The following EPSTI1 variants were observed in gnomAD, a reference collection of about 807,000 sequenced individuals.
EPSTI1 encodes the protein epithelial stromal interaction 1, also known as epithelial-stromal interaction protein 1.
EPSTI1 carries 66 observed loss-of-function variants against 49.9 expected under a neutral mutation model. The observed-to-expected ratio is 1.32, with a 90% CI of 1.08 to 1.62. The LOEUF is 1.62. Ranked by LOEUF, EPSTI1 falls within the 40% of genes most tolerant of loss-of-function variation. The pLI, the probability that EPSTI1 is intolerant of heterozygous loss-of-function variation, is 0.00. For missense variants in EPSTI1, 394 were observed against 365.5 expected, an observed-to-expected ratio of 1.08 and a Z score of -0.64; for synonymous variants, 137 against 130.7, an observed-to-expected ratio of 1.05 and a Z score of -0.33.
At chr13:42,961,556 A>G (rs547045670) in intron 5 of EPSTI1, among the ~76,000 whole-genome samples, 35 of 152,340 alleles carry the variant, frequency 2.3e-4, no homozygotes, top group African/African-American at 7.9e-4. Flanking sequence ...GGCCCCACTG[A>G]CATGACTGGA....
intron 6 of EPSTI1, among the ~76,000 whole-genome samples, chr13:42,946,687 C>T (rs542704835): frequency 1.3e-5 from 2 of 152,252 alleles, no homozygotes; most frequent in African/African-American, 4.8e-5. Flanking sequence ...TCTGTCCCAC[C>T]CTCTCCAATA....
rs2036928271 is a variant in EPSTI1 at position 42,888,448 on chromosome 13, C to T, written c.*46G>A. On this transcript the variant is annotated 3_prime_UTR_variant, in exon 11 of 11. Coordinates refer to ENST00000313624, the MANE Select transcript of EPSTI1 (RefSeq NM_033255.5). The stretch of plus-strand genomic sequence containing the variant: ...CATTAAGAAAAAGCATCTCATGAGG[C>T]TTTTCGAGGTCAGTTGATGAAGGCC... 1 of 1,613,978 alleles carries T rather than the reference C, an allele frequency of 6.2e-7. No homozygotes were observed. Among genetic ancestry groups the T allele is most frequent in the Non-Finnish European group, 8.5e-7 (1 of 1,179,950 alleles).
Position 42,992,058 on chromosome 13 carries a change from G to A in EPSTI1, c.108C>T (p.Pro36=), listed in dbSNP as rs753601158. The A allele has an allele frequency of 3.1e-6, 5 of 1,613,416 alleles. No homozygotes were observed. Among genetic ancestry groups the A allele is most frequent in the East Asian group, 4.5e-5 (2 of 44,878 alleles). ...CCAAACCCTCTCTCTGGTCTTCCAC[G>A]GGGCTCAGCTCCCCTTGCCGCCCAG... The part of the protein sequence containing the change: ...DPSGRQGELS[P]VEDQREGLEA... Residue 36 remains proline, a synonymous_variant, in exon 1 of 11, where the codon CCC becomes CCT. Transcript: ENST00000313624.
intron 1 of EPSTI1, among the ~76,000 whole-genome samples, chr13:42,973,954 G>A (rs1022283079): frequency 1.1e-4 from 16 of 152,262 alleles, no homozygotes; most frequent in African/African-American, 3.1e-4. Flanking sequence ...GCGCACATCC[G>A]TGAGATATAC....
chr13:42,922,190 TTAAC>T lies in EPSTI1; in HGVS notation c.657+4142_657+4145del, dbSNP rs2038022297. Among the ~76,000 whole-genome samples the T allele has an allele frequency of 1.3e-5, 2 of 152,182 alleles. No individual in the cohort carries two copies. Among genetic ancestry groups the T allele is most frequent in the South Asian group, 4.1e-4 (2 of 4,832 alleles). On this transcript the variant is annotated intron_variant, in intron 7 of 10. Transcript: ENST00000313624. This position sits in a 1 kb window ranked among gnomAD's most constrained non-coding sequence, Gnocchi z 4.8. ...ATTAGTCAAGAGATACCAACACATA[TTAAC>T]AGATATTCGGAGCTAACTAAGAAAA...
Position 42,900,403 on chromosome 13 carries a change from T to C in EPSTI1, c.742-20A>G. ...TTCACTCTAGGAACAATAAAAGTTTTAAAATATGGTTTTCAATTAACACAG... is the reference window on the plus strand; with the variant it reads ...TTCACTCTAGGAACAATAAAAGTTTCAAAATATGGTTTTCAATTAACACAG... On this transcript the variant is annotated intron_variant, in intron 8 of 10. Coordinates refer to ENST00000313624, the MANE Select transcript of EPSTI1 (RefSeq NM_033255.5). The C allele has an allele frequency of 6.2e-7, 1 of 1,611,354 alleles. No individual in the cohort carries two copies. The highest frequency in any genetic ancestry group is 1.1e-5 in the South Asian group (1 of 90,914).
intron 5 of EPSTI1, among the ~76,000 whole-genome samples, chr13:42,954,341 AT>A (rs2039194994): frequency 6.6e-6 from 1 of 152,252 alleles, no homozygotes; most frequent in Non-Finnish European, 1.5e-5. Context: ...AAATGTTTTA[AT>A]GAAAACATGA....
intron 9 of EPSTI1, among the ~76,000 whole-genome samples, chr13:42,896,971 G>GC (rs2037208515): frequency 6.6e-6 from 1 of 151,922 alleles, no homozygotes. Flanking sequence ...ATGGTGGTGG[G>GC]CACCTATAGT....
intron 1 of EPSTI1, among the ~76,000 whole-genome samples, chr13:42,980,720 GAAT>G (rs2039973070): frequency 6.6e-6 from 1 of 152,106 alleles, no homozygotes; most frequent in Non-Finnish European, 1.5e-5. Context: ...TTTCTACTTG[GAAT>G]AAAGAGTCAA....
intron 1 of EPSTI1, among the ~76,000 whole-genome samples, chr13:42,977,869 G>A (rs1271422630): frequency 6.6e-6 from 1 of 152,214 alleles, no homozygotes; most frequent in Non-Finnish European, 1.5e-5. Context: ...AAAGTTTAAA[G>A]GCCTGGTGTG....
rs995814838 is a variant in EPSTI1 at position 42,887,112 on chromosome 13, G to C, written c.*1382C>G. The stretch of plus-strand genomic sequence containing the variant: ...GGTGATATTTCCAACACAGGCTGGG[G>C]GATTGAGTTTCCCCCATATAAGGCA... On this transcript the variant is annotated 3_prime_UTR_variant, in exon 11 of 11. Coordinates refer to ENST00000313624, the MANE Select transcript of EPSTI1 (RefSeq NM_033255.5). The C allele has an allele frequency of 1.3e-5, 2 of 152,194 alleles. No individual in the cohort carries two copies. Among genetic ancestry groups the C allele is most frequent in the African/African-American group, 4.8e-5 (2 of 41,436 alleles). The allele number at this position is 152,194 out of a possible 1,614,324, so 9.4% of individuals were successfully genotyped here. A position where few individuals can be genotyped will look rare whatever the true frequency, so the allele number is the denominator to read the frequency against.
intron 6 of EPSTI1, among the ~76,000 whole-genome samples, chr13:42,942,591 C>G (rs2038787830): frequency 6.7e-6 from 1 of 149,800 alleles, no homozygotes; most frequent in African/African-American, 2.4e-5. Context: ...AGTTCATATC[C>G]CTGTCTCTTC....
chr13:42,963,132 G>C (rs953601155), intron 5 of EPSTI1, 123 bp downstream of exon 5: 6 of 771,408 alleles, frequency 7.8e-6, no homozygotes, highest in Non-Finnish European at 1.3e-5. Context: ...AAGAAGAGTG[G>C]GGAATAGAAA....
At chr13:42,935,574 A>C (rs1197494827) in intron 6 of EPSTI1, among the ~76,000 whole-genome samples, 2 of 152,010 alleles carry the variant, frequency 1.3e-5, no homozygotes, top group African/African-American at 4.8e-5. Flanking sequence ...ACTCCATTTC[A>C]CTCATAAATT....
chr13:42,943,996 G>A (rs957213665), intron 6 of EPSTI1, among the ~76,000 whole-genome samples: 3 of 152,104 alleles, frequency 2.0e-5, no homozygotes, highest in Non-Finnish European at 4.4e-5. Flanking sequence ...TTAGAATGGC[G>A]ATCATTAAAA....
At chr13:42,928,818 A>C (rs1265953157) in intron 6 of EPSTI1, among the ~76,000 whole-genome samples, 1 of 152,184 alleles carries the variant, frequency 6.6e-6, no homozygotes, top group Non-Finnish European at 1.5e-5. Flanking sequence ...AGTCTTGACC[A>C]ATGGAATGTG....
chr13:42,940,948 A>G (rs2038732609), intron 6 of EPSTI1, among the ~76,000 whole-genome samples: 1 of 152,228 alleles, frequency 6.6e-6, no homozygotes, highest in Admixed American at 6.5e-5. Flanking sequence ...TATCCTATAA[A>G]CATTCTTTGT....
intron 1 of EPSTI1, among the ~76,000 whole-genome samples, chr13:42,983,575 A>AAAAAAAAAAC (rs2040026089): frequency 2.0e-5 from 2 of 101,120 alleles, no homozygotes; most frequent in Non-Finnish European, 2.7e-5. Flanking sequence ...AAAAAAAAAA[A>AAAAAAAAAAC]AAAAAAAAAA....
chr13:42,988,053 A>G (rs2153436980), intron 1 of EPSTI1, among the ~76,000 whole-genome samples: 1 of 152,290 alleles, frequency 6.6e-6, no homozygotes, highest in South Asian at 2.1e-4. Flanking sequence ...TTTTCAAAAT[A>G]TATTTTTATT....
Sources: gnomAD v4.1 joint callset for allele counts (sites outside exome capture counted in the v4.1 genomes callset) on GRCh38, gnomAD v4.1.1 for gene constraint, Gnocchi (gnomAD v3.1) non-coding constraint, MANE v1.5 for transcripts, NCBI Gene and HGNC (gene_info 2026-07-23, HGNC 2026-07-21) for gene names.